Variants in NTM observed in about 807,000 individuals in gnomAD.
The protein encoded by NTM is IgLON family member 2.
A neutral mutation model predicts 42.1 loss-of-function variants in NTM; 13 were observed. The observed-to-expected ratio is 0.31, with a 90% CI of 0.20 to 0.49. The LOEUF (loss-of-function observed/expected upper bound fraction) is 0.49. Ranked by LOEUF, NTM falls within the 20% of genes least tolerant of loss-of-function variation. The pLI, the probability that NTM is intolerant of heterozygous loss-of-function variation, is 0.99. For missense variants in NTM, 373 were observed against 452.8 expected (o/e 0.82, Z 1.60); for synonymous variants, 187 against 179.2 (o/e 1.04, Z -0.35).
At chr11:131,401,183 T>C (rs961062013) in intron 1 of NTM, among the ~76,000 whole-genome samples, 11 of 151,808 alleles carry the variant, frequency 7.2e-5, no homozygotes, top group Non-Finnish European at 1.3e-4. Context: ...AAAAAACACC[T>C]AGAGGCCTTA....
At chr11:131,444,115 A>G (rs1949832077) in intron 1 of NTM, among the ~76,000 whole-genome samples, 1 of 150,492 alleles carries the variant, frequency 6.6e-6, no homozygotes, top group Admixed American at 6.7e-5. Flanking sequence ...AAAGAATGAG[A>G]ATAGTTGAGA....
chr11:131,984,764 C>T (rs1380414892), intron 2 of NTM: 3 of 151,908 alleles, frequency 2.0e-5, no homozygotes, highest in African/African-American at 7.2e-5. Flanking sequence ...CCATTTGCCA[C>T]ATGAAAAAAA....
chr11:131,878,593 AAATATATATATATAT>A (rs2048926916), intron 1 of NTM, among the ~76,000 whole-genome samples: 1 of 25,118 alleles, frequency 4.0e-5, no homozygotes, highest in African/African-American at 1.4e-4. Context: ...AAAAAAAAAA[AAATATATATATATAT>A]ATATATATAT....
At chr11:132,110,503 T>C (rs1024699120) in intron 2 of NTM, among the ~76,000 whole-genome samples, 16 of 152,244 alleles carry the variant, frequency 1.1e-4, no homozygotes, top group African/African-American at 3.9e-4. Flanking sequence ...GCATGGGGCT[T>C]AATGCCTTTC....
At chr11:131,558,586 A>T (rs146339782) in intron 1 of NTM, among the ~76,000 whole-genome samples, 194 of 152,282 alleles carry the variant, frequency 1.3e-3, no homozygotes, top group African/African-American at 4.5e-3. Context: ...TCTATATTAA[A>T]ACAGCTCCAA....
intron 4 of NTM, among the ~76,000 whole-genome samples, chr11:132,256,306 G>A (rs1196314367): frequency 6.6e-6 from 1 of 152,230 alleles, no homozygotes; most frequent in Middle Eastern, 3.2e-3. Flanking sequence ...CATGACCATA[G>A]CATCTGAAAT....
At chr11:131,879,606 G>A (rs558182094) in intron 1 of NTM, among the ~76,000 whole-genome samples, 73 of 152,006 alleles carry the variant, frequency 4.8e-4, no homozygotes, top group Admixed American at 1.7e-3. Context: ...TAATGTCTTG[G>A]GAAAAACATG....
chr11:132,032,241 T>C (rs1276854771), intron 2 of NTM, among the ~76,000 whole-genome samples: 1 of 152,194 alleles, frequency 6.6e-6, no homozygotes, highest in Non-Finnish European at 1.5e-5. Context: ...GGTCTTGTTT[T>C]CTTCCTGCTG....
chr11:131,604,059 G>C (rs1395063124), intron 1 of NTM, among the ~76,000 whole-genome samples: 1 of 152,076 alleles, frequency 6.6e-6, no homozygotes, highest in South Asian at 2.1e-4. Flanking sequence ...ACTAGGAGTG[G>C]GTCATATGAT....
intron 4 of NTM, among the ~76,000 whole-genome samples, chr11:132,270,008 T>G (rs886307482): frequency 6.6e-6 from 1 of 152,284 alleles, no homozygotes; most frequent in Middle Eastern, 3.4e-3. Context: ...GAACATTCCT[T>G]CATGTCTCTT....
At chr11:131,442,485 T>A (rs1217059973) in intron 1 of NTM, among the ~76,000 whole-genome samples, 1 of 152,168 alleles carries the variant, frequency 6.6e-6, no homozygotes, top group African/African-American at 2.4e-5. Flanking sequence ...TATTACATAA[T>A]GACAGGGATT....
intron 1 of NTM, among the ~76,000 whole-genome samples, chr11:131,879,121 C>T (rs1235881274): frequency 6.6e-6 from 1 of 152,170 alleles, no homozygotes; most frequent in Non-Finnish European, 1.5e-5. Flanking sequence ...CTCCTTCAAT[C>T]CAGAGCAGTT....
rs373393961 is a variant in NTM at position 131,758,774 on chromosome 11, T to C, written c.83-152790T>C. ...TCCCAGCTCACTTTTGTATTTTTAG[T>C]AGAGAAGGGGTTTCACCATGTTGGC... On this transcript the variant is annotated intron_variant, in intron 1 of 8. Transcript: ENST00000683400. Among the ~76,000 whole-genome samples, 4 of 151,980 alleles carry C rather than the reference T, an allele frequency of 2.6e-5. No homozygotes were observed. The East Asian group carries it at 7.7e-4, about 29-fold the overall frequency.
chr11:132,198,558 T>TGATA (rs1252402833), intron 3 of NTM, among the ~76,000 whole-genome samples: 1 of 152,076 alleles, frequency 6.6e-6, no homozygotes, highest in Non-Finnish European at 1.5e-5. Flanking sequence ...AAATGATAAA[T>TGATA]GATAGATACA....
At chr11:131,890,319 A>G (rs143773534) in intron 1 of NTM, among the ~76,000 whole-genome samples, 1 of 152,296 alleles carries the variant, frequency 6.6e-6, no homozygotes, top group African/African-American at 2.4e-5. Context: ...AAATGCTGCT[A>G]GGGCTCAGGC....
chr11:131,570,562 C>G (rs761317267), intron 1 of NTM, among the ~76,000 whole-genome samples: 1 of 152,172 alleles, frequency 6.6e-6, no homozygotes, highest in African/African-American at 2.4e-5. Context: ...CGGTGGCTCA[C>G]GCCTGTAATC....
At chr11:131,398,064 T>C (rs1373754423) in intron 1 of NTM, among the ~76,000 whole-genome samples, 2 of 152,266 alleles carry the variant, frequency 1.3e-5, no homozygotes, top group Non-Finnish European at 2.9e-5. Flanking sequence ...CTGTGTCATC[T>C]GATTCTTTTT....
chr11:131,851,183 T>C (rs1337070561), intron 1 of NTM, among the ~76,000 whole-genome samples: 1 of 152,148 alleles, frequency 6.6e-6, no homozygotes. Context: ...AAATAAGTTA[T>C]TAACTAAAAG....
chr11:132,058,441 T>C (rs2080075661), intron 2 of NTM, among the ~76,000 whole-genome samples: 1 of 152,188 alleles, frequency 6.6e-6, no homozygotes, highest in Non-Finnish European at 1.5e-5. Context: ...ATGCACTCCA[T>C]GTCTTTCTGT....
Sources: allele counts gnomAD v4.1 joint callset (sites outside exome capture counted in the v4.1 genomes callset), GRCh38; gene constraint gnomAD v4.1.1; transcripts MANE v1.5; gene names NCBI Gene and HGNC (gene_info 2026-07-23, HGNC 2026-07-21).